The following STARD13 variants were observed in gnomAD, a reference collection of about 807,000 sequenced individuals.
STARD13 encodes StAR related lipid transfer domain containing 13.
STARD13 carries 62 observed loss-of-function variants against 106.4 expected under a neutral mutation model. That is an observed-to-expected ratio of 0.58 (90% confidence interval 0.48 to 0.72). STARD13 has a LOEUF of 0.72. Ranked by LOEUF, STARD13 falls within the 30% of genes least tolerant of loss-of-function variation. The pLI is 0.00. For missense variants in STARD13, 1,387 were observed against 1,424.0 expected (o/e 0.97, Z 0.42); for synonymous variants, 565 against 553.0 (o/e 1.02, Z -0.31).
the STARD13 span, among the ~76,000 whole-genome samples, chr13:33,446,477 A>G: frequency 1.3e-5 from 2 of 152,236 alleles, no homozygotes; most frequent in South Asian, 4.1e-4. Flanking sequence ...TTTTAAATAT[A>G]CTTTTTATTT....
chr13:33,509,514 C>T, the STARD13 span, among the ~76,000 whole-genome samples: 1 of 152,170 alleles, frequency 6.6e-6, no homozygotes, highest in African/African-American at 2.4e-5. Flanking sequence ...GGAATTCCAC[C>T]ACTGAGGGGT....
the STARD13 span, among the ~76,000 whole-genome samples, chr13:33,586,495 T>C: frequency 6.6e-6 from 1 of 152,204 alleles, no homozygotes; most frequent in East Asian, 1.9e-4. Context: ...GGATTGCTAA[T>C]CTTCAACAAA....
At chr13:33,485,407 C>T in the STARD13 span, among the ~76,000 whole-genome samples, 1 of 151,258 alleles carries the variant, frequency 6.6e-6, no homozygotes, top group East Asian at 1.9e-4. Context: ...ATATGCAAAA[C>T]ATATCCACAA....
chr13:33,364,844 G>C, the STARD13 span, among the ~76,000 whole-genome samples: 4 of 152,146 alleles, frequency 2.6e-5, no homozygotes, highest in Non-Finnish European at 4.4e-5. Flanking sequence ...AGCCGAGATG[G>C]CGCCACTGCA....
At chr13:33,536,857 A>T in the STARD13 span, among the ~76,000 whole-genome samples, 1 of 152,218 alleles carries the variant, frequency 6.6e-6, no homozygotes, top group Non-Finnish European at 1.5e-5. Context: ...AGCAGAGTTC[A>T]GGTTCCATTT....
At chr13:33,153,093 T>C (rs1881499752) in intron 3 of STARD13, among the ~76,000 whole-genome samples, 1 of 152,222 alleles carries the variant, frequency 6.6e-6, no homozygotes, top group Non-Finnish European at 1.5e-5. Context: ...TATCACCACA[T>C]AGTCTTCTCT....
At chr13:33,208,045 A>G (rs1227726014) in intron 1 of STARD13, among the ~76,000 whole-genome samples, 1 of 152,192 alleles carries the variant, frequency 6.6e-6, no homozygotes, top group Non-Finnish European at 1.5e-5. Context: ...ATTTTGGGTA[A>G]GAGAATTTGT....
At chr13:33,523,223 C>A in the STARD13 span, among the ~76,000 whole-genome samples, 1 of 152,016 alleles carries the variant, frequency 6.6e-6, no homozygotes, top group Non-Finnish European at 1.5e-5. Flanking sequence ...TGAGCCTCTT[C>A]TTTGTCAGGC....
chr13:33,385,866 A>AC, the STARD13 span, among the ~76,000 whole-genome samples: 6 of 127,586 alleles, frequency 4.7e-5, no homozygotes, highest in East Asian at 3.1e-4. Context: ...AAAAAAAACA[A>AC]AAAAAAAAAA....
At chr13:33,503,455 T>C in the STARD13 span, among the ~76,000 whole-genome samples, 1 of 152,226 alleles carries the variant, frequency 6.6e-6, no homozygotes, top group African/African-American at 2.4e-5. Flanking sequence ...GCTTCTCTAG[T>C]TCTTTTAATT....
chr13:33,359,266 G>A, the STARD13 span, among the ~76,000 whole-genome samples: 10 of 152,112 alleles, frequency 6.6e-5, no homozygotes, highest in Non-Finnish European at 8.8e-5. Context: ...TGAGCCCAGC[G>A]AGACCACGAG....
chr13:33,210,052 C>T (rs933476849), intron 1 of STARD13, among the ~76,000 whole-genome samples: 9 of 152,138 alleles, frequency 5.9e-5, no homozygotes, highest in African/African-American at 1.4e-4. Context: ...CAACAGCAGA[C>T]GCTGGGGTCG....
At chr13:33,317,719 T>C (rs898709064) in intron 1 of STARD13, among the ~76,000 whole-genome samples, 15 of 152,214 alleles carry the variant, frequency 9.9e-5, no homozygotes, top group African/African-American at 3.6e-4. Flanking sequence ...CTATGTTATA[T>C]ATTTATTGAT....
At chr13:33,573,346 C>T in the STARD13 span, among the ~76,000 whole-genome samples, 1 of 152,168 alleles carries the variant, frequency 6.6e-6, no homozygotes, top group Non-Finnish European at 1.5e-5. Context: ...ATCGTACATA[C>T]CAACCTATCT....
chr13:33,514,279 T>A, the STARD13 span, among the ~76,000 whole-genome samples: 3 of 152,144 alleles, frequency 2.0e-5, no homozygotes, highest in East Asian at 5.8e-4. Context: ...AGCTTAATGA[T>A]CTAAATGAGA....
chr13:33,318,855 A>C (rs900420591), intron 1 of STARD13, among the ~76,000 whole-genome samples: 3 of 152,214 alleles, frequency 2.0e-5, no homozygotes, highest in Non-Finnish European at 4.4e-5. Context: ...CCACGATGAG[A>C]TACCATTTCA....
intron 1 of STARD13, among the ~76,000 whole-genome samples, chr13:33,321,469 G>A (rs1390683029): frequency 6.7e-6 from 1 of 150,020 alleles, no homozygotes; most frequent in Admixed American, 6.7e-5. Flanking sequence ...TCATGCCACT[G>A]CACTCCAGCC....
the STARD13 span, among the ~76,000 whole-genome samples, chr13:33,585,917 T>C: frequency 6.6e-6 from 1 of 152,130 alleles, no homozygotes; most frequent in Non-Finnish European, 1.5e-5. Context: ...AGCATGGCAG[T>C]TTCCAGGAAC....
At chr13:33,273,416 G>T (rs570071185) in intron 1 of STARD13, among the ~76,000 whole-genome samples, 2 of 152,320 alleles carry the variant, frequency 1.3e-5, no homozygotes, top group East Asian at 3.9e-4. Flanking sequence ...GTATAAGACT[G>T]TACTAAAGGA....
Sources: allele counts gnomAD v4.1 joint callset (sites outside exome capture counted in the v4.1 genomes callset), GRCh38; gene constraint gnomAD v4.1.1; transcripts MANE v1.5; gene names NCBI Gene and HGNC (gene_info 2026-07-23, HGNC 2026-07-21).